The following GPR141 variants were observed in gnomAD, a reference collection of about 807,000 sequenced individuals.
GPR141 encodes probable G protein-coupled receptor 141.
A neutral mutation model predicts 6.8 loss-of-function variants in GPR141; 6 were observed. The observed-to-expected ratio is 0.88, with a 90% CI of 0.48 to 1.74. GPR141 has a LOEUF of 1.74. Ranked by LOEUF, GPR141 falls within the 40% of genes most tolerant of loss-of-function variation. The pLI is 0.01. For synonymous variants in GPR141, 140 were observed against 142.3 expected (o/e 0.98, Z 0.11); for missense variants, 372 against 372.9 (o/e 1.00, Z 0.02).
chr7:37,716,866 T>C (rs1223398810), intron 2 of GPR141, among the ~76,000 whole-genome samples: 2 of 152,262 alleles, frequency 1.3e-5, no homozygotes, highest in Non-Finnish European at 2.9e-5. Flanking sequence ...AGCTTTCAGC[T>C]AAGTTTTCAA....
chr7:37,720,549 G>A (rs933221069), intron 2 of GPR141, among the ~76,000 whole-genome samples: 1 of 152,116 alleles, frequency 6.6e-6, no homozygotes, highest in African/African-American at 2.4e-5. Context: ...AGACCATCCT[G>A]GCTAACATGG....
intron 2 of GPR141, among the ~76,000 whole-genome samples, chr7:37,724,975 C>T (rs1302762521): frequency 6.6e-6 from 1 of 152,144 alleles, no homozygotes; most frequent in Non-Finnish European, 1.5e-5. Context: ...CAGTGACAAG[C>T]CGTGCTAGCT....
rs1811483636 is a variant in GPR141, at chr7:37,723,937, A to C, written c.-14-16443A>C. On this transcript the variant is annotated intron_variant, in intron 2 of 2. Transcript: ENST00000334425. ...AAGATCAGAATTCATAGCACATTTC[A>C]ATATCTGCAGACCTACAGATCTATG... Among the ~76,000 whole-genome samples the C allele has an allele frequency of 2.0e-5, 3 of 152,242 alleles. No individual in the cohort carries two copies. In the South Asian group the frequency reaches 6.2e-4, roughly 32 times the overall value.
chr7:37,710,552 C>T (rs1562775825), intron 2 of GPR141, among the ~76,000 whole-genome samples: 1 of 152,274 alleles, frequency 6.6e-6, no homozygotes, highest in East Asian at 1.9e-4. Flanking sequence ...TCAGATTTTC[C>T]TGATTGCCTC....
intron 2 of GPR141, among the ~76,000 whole-genome samples, chr7:37,729,446 C>A (rs1163712001): frequency 6.6e-6 from 1 of 152,102 alleles, no homozygotes; most frequent in Admixed American, 6.5e-5. Flanking sequence ...TGGCCATATC[C>A]AAAAAATGTT....
intron 2 of GPR141, among the ~76,000 whole-genome samples, chr7:37,701,815 A>G (rs1810288184): frequency 1.3e-5 from 2 of 152,240 alleles, no homozygotes. Context: ...TTAAATGGAG[A>G]AAATGCAAAT....
chr7:37,729,426 G>A (rs893074422), intron 2 of GPR141, among the ~76,000 whole-genome samples: 2 of 152,186 alleles, frequency 1.3e-5, no homozygotes, highest in Admixed American at 1.3e-4. Context: ...TGTTGGTCTA[G>A]ATCCAAATGT....
chr7:37,694,953 A>G (rs1015052590), intron 2 of GPR141, among the ~76,000 whole-genome samples: 3 of 152,166 alleles, frequency 2.0e-5, no homozygotes, highest in Admixed American at 6.5e-5. Flanking sequence ...AAGGAATTCC[A>G]CTAAGGCACC....
At chr7:37,729,245 A>G (rs1427756271) in intron 2 of GPR141, among the ~76,000 whole-genome samples, 1 of 152,182 alleles carries the variant, frequency 6.6e-6, no homozygotes, top group East Asian at 1.9e-4. Flanking sequence ...GGCAGGGGAA[A>G]ATCAGAGTTT....
chr7:37,691,933 G>T (rs974598955), intron 2 of GPR141, among the ~76,000 whole-genome samples: 1 of 152,032 alleles, frequency 6.6e-6, no homozygotes, highest in Non-Finnish European at 1.5e-5. Flanking sequence ...TTTTATTGCT[G>T]TTTTAAGAAT....
At chr7:37,710,372 G>A (rs1432742516) in intron 2 of GPR141, among the ~76,000 whole-genome samples, 1 of 152,054 alleles carries the variant, frequency 6.6e-6, no homozygotes, top group Non-Finnish European at 1.5e-5. Context: ...GATTTACTCT[G>A]TCTCCCCTCC....
intron 2 of GPR141, among the ~76,000 whole-genome samples, chr7:37,693,960 G>A (rs1282525145): frequency 6.6e-6 from 1 of 152,132 alleles, no homozygotes; most frequent in Non-Finnish European, 1.5e-5. Context: ...AGTCCTGGAA[G>A]GCATGACTAG....
chr7:37,704,411 A>T (rs1810430139), intron 2 of GPR141, among the ~76,000 whole-genome samples: 1 of 152,198 alleles, frequency 6.6e-6, no homozygotes, highest in South Asian at 2.1e-4. Flanking sequence ...TCGTGGCAGA[A>T]GGCACCTCTT....
At chr7:37,710,960 C>T (rs571568332) in intron 2 of GPR141, among the ~76,000 whole-genome samples, 39 of 152,234 alleles carry the variant, frequency 2.6e-4, no homozygotes, top group African/African-American at 8.9e-4. Context: ...ACCATGTGAC[C>T]TGGCTTTCAA....
intron 2 of GPR141, among the ~76,000 whole-genome samples, chr7:37,716,199 G>T (rs1354766583): frequency 6.6e-6 from 1 of 152,126 alleles, no homozygotes; most frequent in African/African-American, 2.4e-5. Flanking sequence ...TGCTAAGAAC[G>T]GTGGGAGAAA....
rs554436430 is a variant in GPR141, at chr7:37,714,713, A to C, written c.-14-25667A>C. Among the ~76,000 whole-genome samples the C allele has an allele frequency of 2.6e-5, 4 of 152,318 alleles. No individual in the cohort carries two copies. In the South Asian group the frequency reaches 8.3e-4, roughly 32 times the overall value. On this transcript the variant is annotated intron_variant, in intron 2 of 2. Coordinates refer to ENST00000334425, the MANE Select transcript of GPR141 (RefSeq NM_001381946.1). ...TTCCAATGAATATGTTTTACTGTAA[A>C]GATATGGTCCAAAAACATGTTTATT...
rs540366519 is a variant in GPR141 at position 37,706,701 on chromosome 7, A to C, written c.-15+21118A>C. ...AGGTTTCATGATGGGTGTCATGAAA[A>C]TGTGACTATACAAAAGGAAAATGTG... On this transcript the variant is annotated intron_variant, in intron 2 of 2. Transcript: ENST00000334425. Among the ~76,000 whole-genome samples, 7 of 152,308 alleles carry C rather than the reference A, an allele frequency of 4.6e-5. No individual in the cohort carries two copies. The East Asian group carries it at 1.2e-3, about 25-fold the overall frequency.
intron 2 of GPR141, among the ~76,000 whole-genome samples, chr7:37,718,524 A>AAAGGAAGGAAGG (rs746595368): frequency 1.1e-4 from 6 of 55,366 alleles, no homozygotes; most frequent in African/African-American, 3.1e-4. Flanking sequence ...AGGAAGGAAG[A>AAAGGAAGGAAGG]AAGGAAGGAA....
At chr7:37,732,098 A>C (rs1811982344) in intron 2 of GPR141, among the ~76,000 whole-genome samples, 1 of 148,196 alleles carries the variant, frequency 6.7e-6, no homozygotes, top group South Asian at 2.1e-4. Flanking sequence ...ACATGTGCAC[A>C]ACGTGAAGGA....
Sources: gnomAD v4.1 joint callset for allele counts (sites outside exome capture counted in the v4.1 genomes callset) on GRCh38, gnomAD v4.1.1 for gene constraint, MANE v1.5 for transcripts, NCBI Gene and HGNC (gene_info 2026-07-23, HGNC 2026-07-21) for gene names.